The following RPH3A variants were observed in gnomAD, a reference collection of about 807,000 sequenced individuals.
The protein encoded by RPH3A is rabphilin-3A.
Under a neutral mutation model 102.2 loss-of-function variants are expected in RPH3A, and 48 were observed. The observed-to-expected ratio is 0.47, with a 90% CI of 0.37 to 0.60. The LOEUF is 0.60. Ranked by LOEUF, RPH3A falls within the 20% of genes least tolerant of loss-of-function variation. The pLI is 0.00. For missense variants in RPH3A, 781 were observed against 910.1 expected (o/e 0.86, Z 1.83); for synonymous variants, 310 against 324.3 (o/e 0.96, Z 0.47).
intron 20 of RPH3A, 86 bp downstream of exon 20, chr12:112,894,745 T>A (rs201023955): frequency 1.8e-6 from 2 of 1,090,052 alleles, no homozygotes; most frequent in Admixed American, 2.5e-5. Flanking sequence ...ATTAAATATG[T>A]GGCCACATAG....
At chr12:112,761,154 A>T (rs2040852716) in intron 1 of RPH3A, among the ~76,000 whole-genome samples, 1 of 152,106 alleles carries the variant, frequency 6.6e-6, no homozygotes, top group African/African-American at 2.4e-5. Flanking sequence ...AATCTCTTTT[A>T]TCCTGCTTTC....
chr12:112,586,579 G>C (rs1454038717), intron 1 of RPH3A, among the ~76,000 whole-genome samples: 2 of 152,142 alleles, frequency 1.3e-5, no homozygotes, highest in Non-Finnish European at 2.9e-5. Context: ...TGAAGCTAGA[G>C]GGAGTGTGCA....
At chr12:112,630,042 G>C (rs1218817229) in intron 1 of RPH3A, among the ~76,000 whole-genome samples, 1 of 151,976 alleles carries the variant, frequency 6.6e-6, no homozygotes, top group African/African-American at 2.4e-5. Flanking sequence ...CCTTCAATGT[G>C]AAGTCCATAT....
At chr12:112,820,960 C>T (rs527711638) in intron 2 of RPH3A, among the ~76,000 whole-genome samples, 1 of 152,332 alleles carries the variant, frequency 6.6e-6, no homozygotes, top group East Asian at 1.9e-4. Flanking sequence ...GTCTCTGGCA[C>T]CAACCAGATT....
chr12:112,615,322 G>T (rs1315735615), intron 1 of RPH3A, among the ~76,000 whole-genome samples: 1 of 152,130 alleles, frequency 6.6e-6, no homozygotes, highest in Non-Finnish European at 1.5e-5. Flanking sequence ...CAGCCATCTG[G>T]TGAACCCTGG....
At chr12:112,825,531 C>G (rs895345519) in intron 2 of RPH3A, among the ~76,000 whole-genome samples, 2 of 151,950 alleles carry the variant, frequency 1.3e-5, no homozygotes, top group African/African-American at 4.8e-5. Context: ...CGTGGTCTCT[C>G]CCCCCCTTAC....
At chr12:112,855,311 G>A (rs2042393181) in intron 5 of RPH3A, among the ~76,000 whole-genome samples, 1 of 152,304 alleles carries the variant, frequency 6.6e-6, no homozygotes, top group East Asian at 1.9e-4. Context: ...TGCATATAGA[G>A]TACTTAGCAT....
intron 1 of RPH3A, among the ~76,000 whole-genome samples, chr12:112,738,812 A>C (rs1417016210): frequency 6.6e-6 from 1 of 152,148 alleles, no homozygotes; most frequent in Non-Finnish European, 1.5e-5. Flanking sequence ...TGTGGCTTGC[A>C]TTTCCCTTTT....
rs1565882471 is a variant in RPH3A at position 112,791,901 on chromosome 12, A to AGAGAGAGAGAGACT, written c.-247_-246insGAGAGAGACTGAGA. ...GAGAGAGAGAGAGAGAGAGAGAGAG[A>AGAGAGAGAGAGACT]GAGACTCACAGAGCTAAAACCTTCA... On this transcript the variant is annotated 5_prime_UTR_variant, in exon 1 of 22. Coordinates refer to ENST00000389385, the MANE Select transcript of RPH3A (RefSeq NM_001143854.2). 6.6e-6 allele frequency: 1 copy of AGAGAGAGAGAGACT among 150,932 alleles called. No homozygotes were observed. The highest frequency in any genetic ancestry group is 2.5e-5 in the African/African-American group (1 of 40,658). 9.3% of individuals were successfully genotyped at this position (150,932 alleles called of 1,614,324 possible).
At chr12:112,742,336 G>A (rs1025674422) in intron 1 of RPH3A, among the ~76,000 whole-genome samples, 7 of 152,114 alleles carry the variant, frequency 4.6e-5, no homozygotes, top group Admixed American at 3.9e-4. Context: ...TGTTGTATAC[G>A]AAGTTCATGT....
At chr12:112,653,905 CT>C (rs915478419) in intron 1 of RPH3A, among the ~76,000 whole-genome samples, 1 of 151,940 alleles carries the variant, frequency 6.6e-6, no homozygotes, top group African/African-American at 2.4e-5. Context: ...ACTTTTTAAA[CT>C]TTTTTTTGTT....
intron 1 of RPH3A, among the ~76,000 whole-genome samples, chr12:112,764,700 T>TA (rs1430534049): frequency 6.9e-4 from 105 of 151,976 alleles, no homozygotes; most frequent in African/African-American, 2.4e-3. Flanking sequence ...TTATTATTAT[T>TA]TTTTTGCAAT....
At chr12:112,890,640 A>T (rs2043077964) in intron 18 of RPH3A, among the ~76,000 whole-genome samples, 1 of 152,196 alleles carries the variant, frequency 6.6e-6, no homozygotes, top group Non-Finnish European at 1.5e-5. Flanking sequence ...GTCAAAGGGA[A>T]GCCATTGGTC....
At chr12:112,791,156 C>T (rs1317858551), upstream of RPH3A, 1 of 152,166 alleles carries the variant, frequency 6.6e-6, no homozygotes, top group East Asian at 1.9e-4. Flanking sequence ...AGCTTTTCTG[C>T]TCTGAATTCT....
At chr12:112,648,591 A>G (rs1205919571) in intron 1 of RPH3A, among the ~76,000 whole-genome samples, 1 of 134,066 alleles carries the variant, frequency 7.5e-6, no homozygotes, top group Non-Finnish European at 1.6e-5. Flanking sequence ...AAAAAAAAAA[A>G]AAAAAAAGCT....
At chr12:112,666,393 C>T (rs2040083773) in intron 1 of RPH3A, among the ~76,000 whole-genome samples, 1 of 151,982 alleles carries the variant, frequency 6.6e-6, no homozygotes, top group African/African-American at 2.4e-5. Context: ...TCCTCATTGC[C>T]ATCAATTCTC....
At chr12:112,584,114 AAACGGGG>A (rs1180001326) in intron 1 of RPH3A, among the ~76,000 whole-genome samples, 1 of 152,212 alleles carries the variant, frequency 6.6e-6, no homozygotes, top group Non-Finnish European at 1.5e-5. Flanking sequence ...TCGCTGCAGA[AAACGGGG>A]AATCCAAGGC....
chr12:112,677,344 TCC>T, intron 1 of RPH3A, among the ~76,000 whole-genome samples: 1 of 81,986 alleles, frequency 1.2e-5, no homozygotes, highest in African/African-American at 4.0e-5. Context: ...CCTCCCTCCT[TCC>T]CTTCCTCCCT....
At chr12:112,747,873 G>T (rs141628205) in intron 1 of RPH3A, among the ~76,000 whole-genome samples, 5 of 152,180 alleles carry the variant, frequency 3.3e-5, no homozygotes, top group Admixed American at 6.5e-5. Context: ...ACCCATTAGC[G>T]TGGACTGACA....
Sources: allele counts gnomAD v4.1 joint callset (sites outside exome capture counted in the v4.1 genomes callset), GRCh38; gene constraint gnomAD v4.1.1; transcripts MANE v1.5; gene names NCBI Gene and HGNC (gene_info 2026-07-23, HGNC 2026-07-21).